SHISA9: variants seen among roughly 807,000 people sequenced by gnomAD.
SHISA9 encodes the protein shisa family member 9.
SHISA9 carries 13 observed loss-of-function variants against 38.0 expected under a neutral mutation model. The ratio of observed to expected loss-of-function variants is 0.34; its 90% confidence interval spans 0.22 to 0.54. SHISA9 has a LOEUF of 0.54. Ranked by LOEUF, SHISA9 falls within the 20% of genes least tolerant of loss-of-function variation. The probability of loss-of-function intolerance (pLI) is 0.91; values close to 1 mark genes in which losing one functional copy is unlikely to be tolerated. For synonymous variants in SHISA9, 275 were observed against 242.0 expected, an observed-to-expected ratio of 1.14 and a Z score of -1.27; for missense variants, 538 against 575.8, an observed-to-expected ratio of 0.93 and a Z score of 0.67.
rs181852622 is a variant in SHISA9 at position 13,071,791 on chromosome 16, C to T, written c.692-131603C>T. Among the ~76,000 whole-genome samples, 244 of 152,150 alleles carry T rather than the reference C, an allele frequency of 1.6e-3. 1 individual carries two copies. The highest frequency in any genetic ancestry group is 2.6e-3 in the Non-Finnish European group (174 of 68,016). ...TAGCTGGGACTACAGGCATGCACCA[C>T]CATGCCCGGCTTTTATTTTTTTTTT... On this transcript the variant is annotated intron_variant, in intron 2 of 4. Coordinates refer to ENST00000558583, the MANE Select transcript of SHISA9 (RefSeq NM_001145204.3).
At chr16:13,403,341 G>A in the SHISA9 span, among the ~76,000 whole-genome samples, 1 of 152,160 alleles carries the variant, frequency 6.6e-6, no homozygotes, top group Non-Finnish European at 1.5e-5. Context: ...TTTTTAAATA[G>A]CTCTTTTATT....
intron 2 of SHISA9, among the ~76,000 whole-genome samples, chr16:13,052,959 CTTTTT>C (rs925020167): frequency 9.4e-6 from 1 of 106,078 alleles, no homozygotes; most frequent in Non-Finnish European, 1.9e-5. Context: ...TCCTTCCTTT[CTTTTT>C]TTTTTTTTTT....
chr16:13,028,706 C>T (rs994666000), intron 2 of SHISA9, among the ~76,000 whole-genome samples: 3 of 152,126 alleles, frequency 2.0e-5, no homozygotes, highest in African/African-American at 7.2e-5. Flanking sequence ...CAGTTTTGCC[C>T]CTCAGCTCAG....
At chr16:13,163,288 GTCT>G (rs1307444046) in intron 2 of SHISA9, among the ~76,000 whole-genome samples, 1 of 152,172 alleles carries the variant, frequency 6.6e-6, no homozygotes, top group African/African-American at 2.4e-5. Context: ...TTAAAAAAGA[GTCT>G]TCATTTGACC....
chr16:13,377,320 A>T, the SHISA9 span, among the ~76,000 whole-genome samples: 1 of 152,236 alleles, frequency 6.6e-6, no homozygotes, highest in Non-Finnish European at 1.5e-5. Context: ...CGTGTACTCA[A>T]GGATGAGCTG....
At chr16:13,442,454 T>G in the SHISA9 span, among the ~76,000 whole-genome samples, 1 of 152,128 alleles carries the variant, frequency 6.6e-6, no homozygotes, top group Non-Finnish European at 1.5e-5. Flanking sequence ...ATTACAGGTA[T>G]GCACCACCAC....
chr16:12,997,112 T>C (rs986164592), intron 2 of SHISA9, among the ~76,000 whole-genome samples: 1 of 152,090 alleles, frequency 6.6e-6, no homozygotes, highest in Non-Finnish European at 1.5e-5. Flanking sequence ...ACCCCCCAAA[T>C]TCCCTCATGC....
chr16:13,169,356 T>C (rs1476916213), intron 2 of SHISA9, among the ~76,000 whole-genome samples: 1 of 152,236 alleles, frequency 6.6e-6, no homozygotes, highest in African/African-American at 2.4e-5. Flanking sequence ...TTTCATGTTA[T>C]TGGCTGGGTC....
chr16:13,290,921 G>A, the SHISA9 span, among the ~76,000 whole-genome samples: 2 of 152,120 alleles, frequency 1.3e-5, no homozygotes, highest in Non-Finnish European at 2.9e-5. Flanking sequence ...CCATCATTTA[G>A]CACTTATTGT....
At chr16:13,366,686 A>G in the SHISA9 span, among the ~76,000 whole-genome samples, 2 of 151,884 alleles carry the variant, frequency 1.3e-5, no homozygotes, top group Non-Finnish European at 2.9e-5. Flanking sequence ...CTACAAAAAT[A>G]AAATAAAATA....
chr16:13,490,067 A>T, the SHISA9 span, among the ~76,000 whole-genome samples: 1 of 152,200 alleles, frequency 6.6e-6, no homozygotes. Flanking sequence ...TATGGTAGGA[A>T]CATAGTAGAC....
chr16:13,396,748 C>A, the SHISA9 span, among the ~76,000 whole-genome samples: 1 of 152,134 alleles, frequency 6.6e-6, no homozygotes, highest in East Asian at 1.9e-4. Context: ...TGACTCCATC[C>A]TTCTCATTCT....
chr16:12,995,002 A>G (rs574841386), intron 2 of SHISA9, among the ~76,000 whole-genome samples: 116 of 152,240 alleles, frequency 7.6e-4, no homozygotes, highest in Non-Finnish European at 1.5e-3. Context: ...CATGTAAACA[A>G]TATTCAAAGC....
intron 2 of SHISA9, among the ~76,000 whole-genome samples, chr16:13,066,868 C>T (rs968503910): frequency 1.3e-5 from 2 of 152,332 alleles, no homozygotes; most frequent in East Asian, 3.9e-4. Flanking sequence ...GGCATGGTTG[C>T]ACTGGATTCC....
chr16:13,222,684 G>C (rs1335810487), intron 4 of SHISA9, among the ~76,000 whole-genome samples: 1 of 151,924 alleles, frequency 6.6e-6, no homozygotes, highest in African/African-American at 2.4e-5. Context: ...TTCTCTGATG[G>C]GAATGTACAT....
the SHISA9 span, among the ~76,000 whole-genome samples, chr16:13,344,344 G>A: frequency 6.6e-6 from 1 of 152,160 alleles, no homozygotes; most frequent in East Asian, 1.9e-4. Context: ...GTTTGTGTGT[G>A]TATAGGAATG....
the SHISA9 span, among the ~76,000 whole-genome samples, chr16:13,258,593 C>G: frequency 6.6e-6 from 1 of 152,162 alleles, no homozygotes; most frequent in African/African-American, 2.4e-5. Flanking sequence ...ATACCCGAAA[C>G]TGGGAACAAA....
chr16:13,343,941 AT>A, the SHISA9 span, among the ~76,000 whole-genome samples: 1 of 152,208 alleles, frequency 6.6e-6, no homozygotes, highest in Non-Finnish European at 1.5e-5. Context: ...AGAAAGGATA[AT>A]TTGGATAAAA....
downstream of SHISA9, among the ~76,000 whole-genome samples, chr16:13,240,681 C>A (rs567297248): frequency 6.6e-6 from 1 of 152,264 alleles, no homozygotes; most frequent in East Asian, 1.9e-4. Context: ...TGCTAGGTTT[C>A]CTCATCATAA....
Sources: allele counts gnomAD v4.1 joint callset (sites outside exome capture counted in the v4.1 genomes callset), GRCh38; gene constraint gnomAD v4.1.1; transcripts MANE v1.5; gene names NCBI Gene and HGNC (gene_info 2026-07-23, HGNC 2026-07-21).